Variants in FAM13C observed in about 807,000 individuals in gnomAD.
FAM13C encodes the protein family with sequence similarity 13 member C, also known as protein FAM13C.
In FAM13C, 37 loss-of-function variants were observed where a neutral mutation model predicts 73.2. The ratio of observed to expected loss-of-function variants is 0.51; its 90% CI spans 0.39 to 0.67. FAM13C has a LOEUF of 0.67. Among genes scored for constraint, FAM13C ranks in the 30% least tolerant of loss-of-function variants. The pLI, the probability that FAM13C is intolerant of heterozygous loss-of-function variation, is 0.00. For missense variants in FAM13C, 589 were observed against 715.6 expected, an observed-to-expected ratio of 0.82 and a Z score of 2.02; for synonymous variants, 246 against 260.9, an observed-to-expected ratio of 0.94 and a Z score of 0.55.
rs1397843439 is a variant in FAM13C, at chr10:59,352,354, C to T, written c.240G>A (p.Leu80=). 1 of 1,614,184 alleles carries T rather than the reference C, an allele frequency of 6.2e-7. No homozygotes were observed. The highest frequency in any genetic ancestry group is 1.1e-5 in the South Asian group (1 of 91,082). ...ACTTGAAGTTGCCCATGCTGGGTCG[C>T]AATACGCTGTCCACCAGCACGGTCG... is the stretch of plus-strand genomic sequence containing the variant. ...VEATVLVDSV[L]RPSMGNFKSR... Residue 80 remains leucine (L), a synonymous_variant, in exon 3 of 14, where the codon TTG becomes TTA. Transcript: ENST00000618804.
chr10:59,292,130 T>C (rs1216342243), intron 5 of FAM13C, among the ~76,000 whole-genome samples: 3 of 152,214 alleles, frequency 2.0e-5, no homozygotes, highest in Admixed American at 6.5e-5. Context: ...CTTTTCTAGA[T>C]AATAAGACTG....
chr10:59,329,115 ATG>A (rs370691760), intron 3 of FAM13C, among the ~76,000 whole-genome samples: 8 of 152,206 alleles, frequency 5.3e-5, no homozygotes, highest in African/African-American at 1.7e-4. Context: ...CCTTTCAAAA[ATG>A]TGTGTCTATT....
intron 4 of FAM13C, among the ~76,000 whole-genome samples, chr10:59,315,356 C>CT (rs1370439330): frequency 5.3e-5 from 8 of 152,042 alleles, no homozygotes; most frequent in Admixed American, 3.9e-4. Context: ...TATGTAACTG[C>CT]TTTTTTCCAC....
At chr10:59,251,227 C>G (rs1398849411) in intron 13 of FAM13C, 1 of 349,838 alleles carries the variant, frequency 2.9e-6, no homozygotes, top group African/African-American at 2.1e-5. Context: ...AACTAAGAAA[C>G]CAACAACAAA....
intron 5 of FAM13C, 144 bp from the exon 6 acceptor site, chr10:59,283,591 T>G (rs1300177423): frequency 1.3e-6 from 1 of 778,384 alleles, no homozygotes; most frequent in East Asian, 2.5e-5. Flanking sequence ...CGCAAGCACC[T>G]TCCTCCACTG....
intron 3 of FAM13C, among the ~76,000 whole-genome samples, chr10:59,342,157 C>T (rs1853603497): frequency 6.6e-6 from 1 of 152,126 alleles, no homozygotes; most frequent in Admixed American, 6.5e-5. Flanking sequence ...AGGTGGTGTG[C>T]AGACTTTGAG....
rs531924944 is a variant in FAM13C, at chr10:59,286,242, G to C, written c.508-2795C>G. ...AGTAAAATTCATCGAAGCTGGAAGC[G>C]GTGGCCTAAGCCTGTAAATCCCAGC... On this transcript the variant is annotated intron_variant, in intron 5 of 13. Transcript: ENST00000618804. Among the ~76,000 whole-genome samples the C allele has an allele frequency of 7.9e-5, 12 of 152,166 alleles. No individual in the cohort carries two copies. The South Asian group carries it at 2.5e-3, about 32-fold the overall frequency.
At chr10:59,317,467 A>G (rs1024860436) in intron 4 of FAM13C, among the ~76,000 whole-genome samples, 3 of 152,176 alleles carry the variant, frequency 2.0e-5, no homozygotes, top group African/African-American at 7.2e-5. Context: ...TAGAAATATC[A>G]TTTCTAACAA....
Position 59,252,791 on chromosome 10 carries a change from A to C in FAM13C, c.1532+8T>G. Reference sequence around the variant, plus strand: ...AGAGGAGACTCCACACTTAGGATTCATACTCACATGGTAGCCTCATGTAAA... The same window carrying C: ...AGAGGAGACTCCACACTTAGGATTCCTACTCACATGGTAGCCTCATGTAAA... On this transcript the variant is annotated splice_region_variant and intron_variant, in intron 12 of 13. Coordinates refer to ENST00000618804, the MANE Select transcript of FAM13C (RefSeq NM_198215.4). The C allele has an allele frequency of 6.2e-7, 1 of 1,612,794 alleles. No individual in the cohort carries two copies. The highest frequency in any genetic ancestry group is 1.1e-5 in the South Asian group (1 of 91,024).
rs137976326 is a variant in FAM13C, at chr10:59,264,100, G to C, written c.1009C>G (p.Arg337Gly). The C allele has an allele frequency of 3.1e-6, 5 of 1,611,018 alleles. No individual in the cohort carries two copies. The African/African-American group carries it at 4.0e-5, about 13-fold the overall frequency. ...LKWMNDLAKGRKQLKELKLKL... is the reference protein window; with the variant it reads ...LKWMNDLAKGGKQLKELKLKL... The stretch of plus-strand genomic sequence containing the variant: ...TGGGATTTACCTTTGAGCTGTTTAC[G>C]ACCTTTAGCCAAATCATTCATCCAT... Residue 337 changes from arginine (R) to glycine (G), a missense_variant, in exon 9 of 14, where the codon CGT becomes GGT. Physicochemically the swap from Arg to Gly is moderately radical, Grantham distance 125. Transcript: ENST00000618804.
chr10:59,335,780 A>C (rs1463195245), intron 3 of FAM13C, among the ~76,000 whole-genome samples: 1 of 152,210 alleles, frequency 6.6e-6, no homozygotes, highest in African/African-American at 2.4e-5. Context: ...AGGTAAGCCC[A>C]ATGCAATAAA....
chr10:59,325,009 T>G (rs1321522481), intron 3 of FAM13C, among the ~76,000 whole-genome samples: 1 of 152,234 alleles, frequency 6.6e-6, no homozygotes, highest in Non-Finnish European at 1.5e-5. Context: ...CTTTGAGCCA[T>G]GTCAAACCTC....
chr10:59,267,405 T>G (rs955758650), intron 8 of FAM13C, among the ~76,000 whole-genome samples: 16 of 152,222 alleles, frequency 1.1e-4, no homozygotes, highest in Non-Finnish European at 2.2e-4. Context: ...GGTGTCAGTT[T>G]CATTATCTGT....
At chr10:59,319,027 T>C (rs1212499249) in intron 4 of FAM13C, among the ~76,000 whole-genome samples, 3 of 151,004 alleles carry the variant, frequency 2.0e-5, no homozygotes, top group African/African-American at 7.3e-5. Context: ...AAGACTCTGC[T>C]TACGTCTATG....
At position 59,251,350 on chromosome 10, in the gene FAM13C, A is replaced by AT. The variant is rs769112904; in HGVS notation, c.1634+224dup. ...TAGAGATTTTTGGAGTTTATCCTTT[A>AT]TTTTTTACAGATTGATGTCATACCT... On this transcript the variant is annotated intron_variant, in intron 13 of 13. Coordinates refer to ENST00000618804, the MANE Select transcript of FAM13C (RefSeq NM_198215.4). 396 of 483,596 alleles carry AT rather than the reference A, an allele frequency of 8.2e-4. 1 individual carries two copies. Among genetic ancestry groups the AT allele is most frequent in the Non-Finnish European group, 6.0e-4 (165 of 276,014 alleles). The allele number at this position is 483,596 out of a possible 1,614,324, so 30.0% of individuals were successfully genotyped here. A position where few individuals can be genotyped will look rare whatever the true frequency, so the allele number is the denominator to read the frequency against.
At chr10:59,320,482 G>A (rs1418085528) in intron 4 of FAM13C, among the ~76,000 whole-genome samples, 2 of 152,194 alleles carry the variant, frequency 1.3e-5, no homozygotes, top group African/African-American at 4.8e-5. Flanking sequence ...GAGCAAGCCA[G>A]CTTGGAAGTA....
chr10:59,333,352 G>T (rs967230679), intron 3 of FAM13C, among the ~76,000 whole-genome samples: 10 of 152,218 alleles, frequency 6.6e-5, no homozygotes, highest in Admixed American at 6.5e-4. Context: ...GCCGGGCACG[G>T]TGGCACATGC....
At chr10:59,322,095 G>A (rs1850385042) in intron 4 of FAM13C, among the ~76,000 whole-genome samples, 1 of 152,158 alleles carries the variant, frequency 6.6e-6, no homozygotes, top group African/African-American at 2.4e-5. Context: ...TAAAACAGAA[G>A]AGGAAGGTTA....
intron 8 of FAM13C, among the ~76,000 whole-genome samples, chr10:59,264,507 C>T (rs777201031): frequency 2.0e-5 from 3 of 152,178 alleles, no homozygotes; most frequent in Non-Finnish European, 2.9e-5. Context: ...TTGCAGGTCA[C>T]CCACAGCCCA....
Sources: gnomAD v4.1 joint callset for allele counts (sites outside exome capture counted in the v4.1 genomes callset) on GRCh38, gnomAD v4.1.1 for gene constraint, MANE v1.5 for transcripts, NCBI Gene and HGNC (gene_info 2026-07-23, HGNC 2026-07-21) for gene names.